Variants in COL28A1 observed in about 807,000 individuals in gnomAD.
The protein encoded by COL28A1 is collagen alpha-1(XXVIII) chain.
In COL28A1, 161 loss-of-function variants were observed where a neutral mutation model predicts 150.2. The observed-to-expected ratio is 1.07, with a 90% CI of 0.94 to 1.22. COL28A1 has a LOEUF of 1.22. Among genes scored for constraint, COL28A1 ranks in the 50% most tolerant of loss-of-function variants. The pLI is 0.00. For missense variants in COL28A1, 1,617 were observed against 1,388.3 expected, an observed-to-expected ratio of 1.16 and a Z score of -2.62; for synonymous variants, 552 against 469.7, an observed-to-expected ratio of 1.18 and a Z score of -2.26.
At chr7:7,399,283 G>A (rs1783023966) in intron 27 of COL28A1, among the ~76,000 whole-genome samples, 2 of 152,146 alleles carry the variant, frequency 1.3e-5, no homozygotes. Context: ...CATCCAAGAA[G>A]TCTTCCCTGA....
At chr7:7,437,516 G>A (rs1409565730) in intron 21 of COL28A1, 54 bp from the exon 22 acceptor site, 62 of 1,575,082 alleles carry the variant, frequency 3.9e-5, no homozygotes, top group Non-Finnish European at 5.2e-5. Context: ...CACATATAGA[G>A]ACAATATTAA....
In COL28A1 at chr7:7,453,405, G is replaced by A. The variant is rs199877837; in HGVS notation, c.1440+35C>T. 2.0e-4 allele frequency: 182 copies of A among 907,660 alleles called. No homozygotes were observed. The African/African-American group carries it at 2.8e-3, about 14-fold the overall frequency. 56.2% of individuals were successfully genotyped at this position (907,660 alleles called of 1,614,324 possible). On this transcript the variant is annotated intron_variant, in intron 17 of 34. Transcript: ENST00000399429. ...ATCAGAAAACAGCAATTATACTATA[G>A]ATATATTAAACTCCGCTCTCATTTA...
At chr7:7,407,249 A>T (rs1783540939) in intron 27 of COL28A1, among the ~76,000 whole-genome samples, 1 of 152,086 alleles carries the variant, frequency 6.6e-6, no homozygotes, top group Admixed American at 6.6e-5. Flanking sequence ...AGTGGGGCAG[A>T]GGGGGAAGAA....
chr7:7,485,258 T>C (rs79250838), intron 13 of COL28A1, among the ~76,000 whole-genome samples: 15,374 of 152,220 alleles, frequency 0.1, 895 homozygotes, highest in Middle Eastern at 0.16. Context: ...TGTGTGTGTA[T>C]ATATGCTTGA....
At chr7:7,452,429 A>G (rs1786778178) in intron 17 of COL28A1, 42 bp from the exon 18 acceptor site, 1 of 1,566,720 alleles carries the variant, frequency 6.4e-7, no homozygotes, top group African/African-American at 1.4e-5. Context: ...AGTGAAAATA[A>G]TATATTCCTG....
chr7:7,509,378 C>G (rs912282939), intron 9 of COL28A1, among the ~76,000 whole-genome samples: 1 of 152,180 alleles, frequency 6.6e-6, no homozygotes, highest in African/African-American at 2.4e-5. Flanking sequence ...CCACTTCGGC[C>G]TAATTTTAAT....
intron 11 of COL28A1, among the ~76,000 whole-genome samples, chr7:7,501,309 T>C (rs990844530): frequency 6.6e-6 from 1 of 152,182 alleles, no homozygotes; most frequent in Admixed American, 6.5e-5. Flanking sequence ...ATTTTTTAAC[T>C]GTTTGAGGAT....
chr7:7,400,289 GTATTC>G (rs1783099793), intron 27 of COL28A1, among the ~76,000 whole-genome samples: 1 of 152,156 alleles, frequency 6.6e-6, no homozygotes, highest in South Asian at 2.1e-4. Flanking sequence ...GTAACCACAA[GTATTC>G]TAAGAGCAAG....
intron 1 of COL28A1, among the ~76,000 whole-genome samples, chr7:7,535,310 A>G (rs1782584109): frequency 6.6e-6 from 1 of 152,174 alleles, no homozygotes; most frequent in Admixed American, 6.5e-5. Context: ...TCAAAAATAA[A>G]ATGATCTTAT....
At chr7:7,381,310 C>G (rs1167848767) in intron 28 of COL28A1, among the ~76,000 whole-genome samples, 8 of 152,106 alleles carry the variant, frequency 5.3e-5, no homozygotes. Flanking sequence ...GTCTTGAACT[C>G]CTGGCCTCAA....
rs755897178 is a variant in COL28A1 at position 7,521,971 on chromosome 7, T to A, written c.703-10A>T. ...AAATCTTGCGTTCACACTGAATCAA[T>A]AATGAAATATGATATTAACACACAG... On this transcript the variant is annotated splice_polypyrimidine_tract_variant and intron_variant, in intron 4 of 34. Coordinates refer to ENST00000399429, the MANE Select transcript of COL28A1 (RefSeq NM_001037763.3). The A allele has an allele frequency of 4.1e-6, 4 of 978,152 alleles. No homozygotes were observed. Among genetic ancestry groups the A allele is most frequent in the South Asian group, 3.8e-5 (3 of 78,500 alleles). 60.6% of individuals were successfully genotyped at this position (978,152 alleles called of 1,614,324 possible). A position where few individuals can be genotyped will look rare whatever the true frequency, so the allele number is the denominator to read the frequency against.
intron 27 of COL28A1, among the ~76,000 whole-genome samples, chr7:7,390,334 G>A (rs1782463130): frequency 6.6e-6 from 1 of 152,170 alleles, no homozygotes; most frequent in Admixed American, 6.5e-5. Flanking sequence ...GCATCCCAGG[G>A]ATGAAGCCAA....
At chr7:7,519,208 G>A (rs1402398607) in intron 6 of COL28A1, among the ~76,000 whole-genome samples, 2 of 152,132 alleles carry the variant, frequency 1.3e-5, no homozygotes, top group African/African-American at 4.8e-5. Context: ...ATGGTGACAG[G>A]CAAGAGAGCT....
rs181030473 is a variant in COL28A1 at position 7,499,537 on chromosome 7, T to A, written c.1026+6477A>T. Among the ~76,000 whole-genome samples, 10 of 152,350 alleles carry A rather than the reference T, an allele frequency of 6.6e-5. No individual in the cohort carries two copies. In the East Asian group the frequency reaches 1.9e-3, roughly 29 times the overall value. On this transcript the variant is annotated intron_variant, in intron 11 of 34. Coordinates refer to ENST00000399429, the MANE Select transcript of COL28A1 (RefSeq NM_001037763.3). ...ACCAAGAAATGTAGGAATCTACATG[T>A]TTTCACTTGATTTACTTCACTTCAA... is the stretch of plus-strand genomic sequence containing the variant.
chr7:7,517,116 C>G (rs1781457657), intron 7 of COL28A1, among the ~76,000 whole-genome samples: 1 of 152,010 alleles, frequency 6.6e-6, no homozygotes, highest in South Asian at 2.1e-4. Flanking sequence ...TTTTTGTTGA[C>G]ATTACTAAAC....
intron 27 of COL28A1, among the ~76,000 whole-genome samples, chr7:7,401,020 G>GTACAGCT (rs1554264707): frequency 4.1e-5 from 6 of 147,208 alleles, no homozygotes; most frequent in Non-Finnish European, 7.5e-5. Flanking sequence ...GTGTGTGTGT[G>GTACAGCT]TGTGTACAGC....
At chr7:7,350,454 A>C in the COL28A1 span, among the ~76,000 whole-genome samples, 4 of 152,108 alleles carry the variant, frequency 2.6e-5, no homozygotes, top group South Asian at 2.1e-4. Flanking sequence ...AAATTTGAAG[A>C]AGCACAATTT....
At chr7:7,530,493 C>A (rs527319750) in intron 3 of COL28A1, among the ~76,000 whole-genome samples, 2 of 152,190 alleles carry the variant, frequency 1.3e-5, no homozygotes, top group East Asian at 1.9e-4. Context: ...TAAAGGACAC[C>A]TTTGCCTTCC....
At chr7:7,483,346 A>C (rs553973572) in intron 13 of COL28A1, among the ~76,000 whole-genome samples, 24 of 152,216 alleles carry the variant, frequency 1.6e-4, no homozygotes, top group Non-Finnish European at 3.1e-4. Context: ...GTCAAGGAGC[A>C]TCTGTATATA....
Sources: allele counts gnomAD v4.1 joint callset (sites outside exome capture counted in the v4.1 genomes callset), GRCh38; gene constraint gnomAD v4.1.1; transcripts MANE v1.5; gene names NCBI Gene and HGNC (gene_info 2026-07-23, HGNC 2026-07-21).